GRM5: variants seen among roughly 807,000 people sequenced by gnomAD.
GRM5 encodes metabotropic glutamate receptor 5.
A neutral mutation model predicts 83.1 loss-of-function variants in GRM5; 19 were observed. The ratio of observed to expected loss-of-function variants is 0.23; its 90% CI spans 0.16 to 0.34. The LOEUF (loss-of-function observed/expected upper bound fraction) is 0.34, where lower values mean the gene tolerates loss of function less well. Ranked by LOEUF, GRM5 falls within the 10% of genes least tolerant of loss-of-function variation. GRM5 has a pLI of 1.00. For synonymous variants in GRM5, 675 were observed against 633.6 expected (o/e 1.07, Z -0.98); for missense variants, 1,160 against 1,588.3 (o/e 0.73, Z 4.58).
chr11:89,028,432 TA>T (rs996303062), intron 2 of GRM5, among the ~76,000 whole-genome samples: 1 of 151,840 alleles, frequency 6.6e-6, no homozygotes, highest in African/African-American at 2.4e-5. Context: ...AAAATGAAAA[TA>T]AAAAATTAGC....
chr11:88,838,552 A>T (rs562123012), intron 3 of GRM5, among the ~76,000 whole-genome samples: 15 of 152,298 alleles, frequency 9.8e-5, no homozygotes, highest in African/African-American at 3.6e-4. Flanking sequence ...CATTTAGCTA[A>T]TATATACTAA....
chr11:88,578,955 C>T (rs982963140), intron 7 of GRM5, among the ~76,000 whole-genome samples: 6 of 151,950 alleles, frequency 3.9e-5, no homozygotes, highest in Non-Finnish European at 7.4e-5. Context: ...CCTGCAGCAT[C>T]ATGTCAAGGA....
At chr11:89,045,546 T>C (rs1162247708) in intron 2 of GRM5, among the ~76,000 whole-genome samples, 1 of 152,218 alleles carries the variant, frequency 6.6e-6, no homozygotes, top group Non-Finnish European at 1.5e-5. Flanking sequence ...TTTTAATAGC[T>C]AAATGATAAT....
chr11:88,951,342 C>T (rs1173481140), intron 2 of GRM5, among the ~76,000 whole-genome samples: 1 of 152,152 alleles, frequency 6.6e-6, no homozygotes, highest in Non-Finnish European at 1.5e-5. Context: ...GGGATATTGA[C>T]AAATTAGATT....
At chr11:89,055,747 T>C (rs900675779) in intron 1 of GRM5, among the ~76,000 whole-genome samples, 3 of 152,050 alleles carry the variant, frequency 2.0e-5, no homozygotes, top group African/African-American at 7.2e-5. Context: ...TTGTATAATA[T>C]AAATATCTTT....
At chr11:88,753,145 T>C (rs1239347029) in intron 3 of GRM5, among the ~76,000 whole-genome samples, 2 of 151,680 alleles carry the variant, frequency 1.3e-5, no homozygotes, top group Non-Finnish European at 2.9e-5. Context: ...CAGAGCAAAA[T>C]AAACTATCAG....
chr11:88,604,203 AC>A (rs1375031535), intron 5 of GRM5, among the ~76,000 whole-genome samples: 4 of 152,184 alleles, frequency 2.6e-5, no homozygotes, highest in South Asian at 2.1e-4. Flanking sequence ...GAGAAAAAAA[AC>A]AATTTAGTCC....
At chr11:88,815,109 A>G (rs1943652622) in intron 3 of GRM5, among the ~76,000 whole-genome samples, 1 of 152,202 alleles carries the variant, frequency 6.6e-6, no homozygotes, top group Admixed American at 6.5e-5. Flanking sequence ...ATTCCACCAA[A>G]CAATGGCAGC....
intron 2 of GRM5, among the ~76,000 whole-genome samples, chr11:88,921,552 C>A (rs1468163079): frequency 2.0e-5 from 3 of 152,008 alleles, no homozygotes; most frequent in Non-Finnish European, 2.9e-5. Context: ...ATGGTGGGAA[C>A]CCGGGAGGCT....
chr11:88,955,050 A>G (rs973007623), intron 2 of GRM5, among the ~76,000 whole-genome samples: 3 of 152,244 alleles, frequency 2.0e-5, no homozygotes, highest in African/African-American at 7.2e-5. Flanking sequence ...TGGCCTGTCC[A>G]ACGCTTTCAC....
intron 2 of GRM5, among the ~76,000 whole-genome samples, chr11:88,939,950 A>G (rs1240483481): frequency 6.6e-6 from 1 of 151,938 alleles, no homozygotes; most frequent in Admixed American, 6.6e-5. Context: ...GAAAGATCAA[A>G]GTATATAACA....
chr11:88,639,903 A>C (rs755338990), intron 4 of GRM5, among the ~76,000 whole-genome samples: 34 of 152,162 alleles, frequency 2.2e-4, no homozygotes, highest in South Asian at 4.1e-4. Context: ...GATCTCACTG[A>C]GTATTTTTTG....
At chr11:88,742,752 T>C (rs1334995473) in intron 3 of GRM5, among the ~76,000 whole-genome samples, 3 of 152,108 alleles carry the variant, frequency 2.0e-5, no homozygotes, top group Admixed American at 1.3e-4. Context: ...GGCTTTCTAT[T>C]TGAGAATCTG....
chr11:88,941,851 C>G (rs961763413), intron 2 of GRM5, among the ~76,000 whole-genome samples: 1 of 151,896 alleles, frequency 6.6e-6, no homozygotes, highest in African/African-American at 2.4e-5. Context: ...TGCTTGAAAT[C>G]TTAGGTGTAA....
chr11:88,993,265 C>CAA (rs71046275), intron 2 of GRM5, among the ~76,000 whole-genome samples: 44,521 of 102,314 alleles, frequency 0.44, 10,900 homozygotes, highest in South Asian at 0.57. Context: ...GACTCTGTCT[C>CAA]AAAAAAAAAA....
Position 88,604,851 on chromosome 11 carries a change from C to G in GRM5, c.1261G>C (p.Gly421Arg). 1 of 1,613,996 alleles carries G rather than the reference C, an allele frequency of 6.2e-7. No homozygotes were observed. The highest frequency in any genetic ancestry group is 8.5e-7 in the Non-Finnish European group (1 of 1,179,888). The change falls in exon 5 of 10, where the codon GGC becomes CGC. Residue 421 changes from glycine to arginine, a missense_variant. Coordinates refer to ENST00000305447, the MANE Select transcript of GRM5 (RefSeq NM_001143831.3). ...LHNMQMSLCPGYAGLCDAMKP... is the reference protein window; with the variant it reads ...LHNMQMSLCPRYAGLCDAMKP... ...ATGGCATCACAGAGTCCTGCATAGC[C>G]TGGGCAGAGGGACATCTGCATGTTG...
At chr11:88,924,665 G>C (rs985518176) in intron 2 of GRM5, among the ~76,000 whole-genome samples, 19 of 151,850 alleles carry the variant, frequency 1.3e-4, no homozygotes, top group African/African-American at 4.4e-4. Flanking sequence ...AGAGAAAATG[G>C]GGAGATGTAA....
intron 3 of GRM5, among the ~76,000 whole-genome samples, chr11:88,729,745 T>C (rs529881250): frequency 1.3e-5 from 2 of 152,258 alleles, no homozygotes; most frequent in Admixed American, 1.3e-4. Flanking sequence ...ATCTGATCTT[T>C]CTTTGACAAA....
chr11:88,751,472 C>T (rs1942272788), intron 3 of GRM5, among the ~76,000 whole-genome samples: 1 of 152,008 alleles, frequency 6.6e-6, no homozygotes, highest in East Asian at 1.9e-4. Context: ...AATAGCCTAC[C>T]AACCAACAAA....
Sources: allele counts gnomAD v4.1 joint callset (sites outside exome capture counted in the v4.1 genomes callset), GRCh38; gene constraint gnomAD v4.1.1; transcripts MANE v1.5; gene names NCBI Gene and HGNC (gene_info 2026-07-23, HGNC 2026-07-21).